The following ABHD2 variants were observed in gnomAD, a reference collection of about 807,000 sequenced individuals.
The protein encoded by ABHD2 is abhydrolase domain containing 2, acylglycerol lipase.
A neutral mutation model predicts 48.1 loss-of-function variants in ABHD2; 20 were observed. The observed-to-expected ratio is 0.42, with a 90% CI of 0.29 to 0.60. The LOEUF is 0.60. Among genes scored for constraint, ABHD2 ranks in the 20% least tolerant of loss-of-function variants. The pLI is 0.24. For synonymous variants in ABHD2, 209 were observed against 214.2 expected (o/e 0.98, Z 0.21); for missense variants, 405 against 550.9 (o/e 0.74, Z 2.65).
chr15:89,080,111 A>C, the ABHD2 span, among the ~76,000 whole-genome samples: 2 of 152,000 alleles, frequency 1.3e-5, no homozygotes, highest in African/African-American at 2.4e-5. Flanking sequence ...GAAAGGCAAG[A>C]GCAGAAGAGC....
the ABHD2 span, among the ~76,000 whole-genome samples, chr15:89,058,217 G>A: frequency 6.6e-6 from 1 of 152,064 alleles, no homozygotes; most frequent in Non-Finnish European, 1.5e-5. Flanking sequence ...TCTGGCCCCA[G>A]GTCCACCCAC....
Position 89,177,946 on chromosome 15 carries a change from A to G in ABHD2, c.722+1951A>G, listed in dbSNP as rs1353771788. On this transcript the variant is annotated intron_variant, in intron 6 of 10. Transcript: ENST00000352732. This position sits in a 1 kb window ranked among gnomAD's most constrained non-coding sequence, Gnocchi z 5.6. The stretch of plus-strand genomic sequence containing the variant: ...CGCCATCTGCTGTCAGCAAGAGCAC[A>G]TGATTGACGCAGCAAGCTAAGGTGT... Among the ~76,000 whole-genome samples, 1 of 152,184 alleles carries G rather than the reference A, an allele frequency of 6.6e-6. No homozygotes were observed. Among genetic ancestry groups the G allele is most frequent in the South Asian group, 2.1e-4 (1 of 4,832 alleles).
chr15:89,185,268 G>T lies in ABHD2; in HGVS notation c.723-156G>T, dbSNP rs1216845756. The T allele has an allele frequency of 6.6e-6, 4 of 606,490 alleles. No homozygotes were observed. The highest frequency in any genetic ancestry group is 1.9e-5 in the African/African-American group (1 of 53,502). The allele number at this position is 606,490 out of a possible 1,614,324, so 37.6% of individuals were successfully genotyped here. On this transcript the variant is annotated intron_variant, in intron 6 of 10. Coordinates refer to ENST00000352732, the MANE Select transcript of ABHD2 (RefSeq NM_152924.5). This position sits in a 1 kb window ranked among gnomAD's most constrained non-coding sequence, Gnocchi z 5.9. ...CATAGATTTCTCCACAGGTGTTTGA[G>T]CTCTGCACATTAGAGCCTCTGTTTT...
the ABHD2 span, among the ~76,000 whole-genome samples, chr15:89,065,067 T>C: frequency 6.6e-6 from 1 of 152,120 alleles, no homozygotes; most frequent in Non-Finnish European, 1.5e-5. Context: ...TAAATGTAAG[T>C]CTACTGGATA....
chr15:89,070,665 A>C, the ABHD2 span, among the ~76,000 whole-genome samples: 1 of 152,202 alleles, frequency 6.6e-6, no homozygotes, highest in African/African-American at 2.4e-5. Flanking sequence ...AATGAGAGAC[A>C]TGATATTGGT....
intron 5 of ABHD2, among the ~76,000 whole-genome samples, chr15:89,162,593 C>T (rs1429942165): frequency 6.6e-6 from 1 of 152,092 alleles, no homozygotes; most frequent in Non-Finnish European, 1.5e-5. Context: ...GAAGGCCCTT[C>T]TGTGGTCTTC....
intron 3 of ABHD2, chr15:89,135,966 G>A (rs1008172733): frequency 5.3e-6 from 2 of 375,562 alleles, no homozygotes; most frequent in Middle Eastern, 8.6e-4. Flanking sequence ...CCCTTTTGTT[G>A]CCCAGGCTGG....
At chr15:89,131,940 G>T (rs2050225993) in intron 3 of ABHD2, among the ~76,000 whole-genome samples, 1 of 152,102 alleles carries the variant, frequency 6.6e-6, no homozygotes, top group Non-Finnish European at 1.5e-5. Context: ...GGCAAGTGTG[G>T]GATGGTAGGG....
chr15:89,093,943 C>T (rs1412473784), intron 1 of ABHD2: 1 of 152,180 alleles, frequency 6.6e-6, no homozygotes, highest in East Asian at 1.9e-4. Flanking sequence ...TTCCTCTTTC[C>T]TTTGAATGTG....
At chr15:89,125,586 T>TA (rs1193947488) in intron 3 of ABHD2, among the ~76,000 whole-genome samples, 1 of 152,194 alleles carries the variant, frequency 6.6e-6, no homozygotes, top group Non-Finnish European at 1.5e-5. Context: ...GACACTCTTT[T>TA]ATTACTTGGC....
chr15:89,132,803 T>C (rs2050241043), intron 3 of ABHD2, among the ~76,000 whole-genome samples: 1 of 152,226 alleles, frequency 6.6e-6, no homozygotes, highest in Non-Finnish European at 1.5e-5. Flanking sequence ...TCTGCATGGT[T>C]TGGTGGCGCT....
chr15:89,074,249 T>C, the ABHD2 span, among the ~76,000 whole-genome samples: 2 of 151,886 alleles, frequency 1.3e-5, no homozygotes, highest in South Asian at 4.2e-4. Context: ...GATGGCGTGC[T>C]CCTGTAATCC....
chr15:89,110,308 C>A (rs552197140), intron 1 of ABHD2, among the ~76,000 whole-genome samples: 1 of 152,110 alleles, frequency 6.6e-6, no homozygotes, highest in African/African-American at 2.4e-5. Flanking sequence ...GTGATCCGCC[C>A]GCCTCGGCCT....
At chr15:89,068,246 A>C in the ABHD2 span, among the ~76,000 whole-genome samples, 5 of 151,834 alleles carry the variant, frequency 3.3e-5, no homozygotes, top group Admixed American at 2.0e-4. Context: ...TGCATGTATA[A>C]ATGATTTCAG....
In ABHD2 at chr15:89,166,955, T is replaced by C. The variant is rs2050846909; in HGVS notation, c.539-8857T>C. On this transcript the variant is annotated intron_variant, in intron 5 of 10. Transcript: ENST00000352732. This position sits in a 1 kb window ranked among gnomAD's most constrained non-coding sequence, Gnocchi z 4.6. Reference sequence around the variant, plus strand: ...TTACACATTCCAATTGAGACACTTTTGAGAGTAAAAAGGGACTTTATTAAT... The same window carrying C: ...TTACACATTCCAATTGAGACACTTTCGAGAGTAAAAAGGGACTTTATTAAT... Among the ~76,000 whole-genome samples the C allele has an allele frequency of 6.6e-6, 1 of 152,150 alleles. No individual in the cohort carries two copies. The highest frequency in any genetic ancestry group is 2.4e-5 in the African/African-American group (1 of 41,420).
intron 3 of ABHD2, among the ~76,000 whole-genome samples, chr15:89,148,161 A>C (rs565619966): frequency 6.6e-6 from 1 of 151,852 alleles, no homozygotes; most frequent in Non-Finnish European, 1.5e-5. Flanking sequence ...ATAAAGTTAA[A>C]ATATACAATA....
chr15:89,133,220 T>G (rs2050247484), intron 3 of ABHD2, among the ~76,000 whole-genome samples: 1 of 152,214 alleles, frequency 6.6e-6, no homozygotes, highest in African/African-American at 2.4e-5. Context: ...TCCATAGGAG[T>G]GCTGAAAGAG....
chr15:89,183,384 A>AAAATATATATATATATAT (rs61602174), intron 6 of ABHD2: 3 of 46,260 alleles, frequency 6.5e-5, no homozygotes, highest in Non-Finnish European at 1.3e-4. Flanking sequence ...AAAAAAAAAA[A>AAAATATATATATATATAT]ATATATATAT....
At chr15:89,076,706 A>C in the ABHD2 span, among the ~76,000 whole-genome samples, 1 of 150,910 alleles carries the variant, frequency 6.6e-6, no homozygotes, top group Non-Finnish European at 1.5e-5. Flanking sequence ...CCAGTCTCAA[A>C]CTCCTGGGCT....
Sources: gnomAD v4.1 joint callset for allele counts (sites outside exome capture counted in the v4.1 genomes callset) on GRCh38, gnomAD v4.1.1 for gene constraint, Gnocchi (gnomAD v3.1) non-coding constraint, MANE v1.5 for transcripts, NCBI Gene and HGNC (gene_info 2026-07-23, HGNC 2026-07-21) for gene names.